TRAF3IP1: variants seen among roughly 807,000 people sequenced by gnomAD.
The protein encoded by TRAF3IP1 is TRAF3-interacting protein 1.
A neutral mutation model predicts 89.9 loss-of-function variants in TRAF3IP1; 53 were observed. That is an observed-to-expected ratio of 0.59 (90% CI 0.47 to 0.74). The LOEUF is 0.74. Ranked by LOEUF, TRAF3IP1 falls within the 30% of genes least tolerant of loss-of-function variation. TRAF3IP1 has a pLI of 0.00. For synonymous variants in TRAF3IP1, 311 were observed against 322.1 expected (o/e 0.97, Z 0.37); for missense variants, 806 against 866.1 (o/e 0.93, Z 0.87).
At chr2:238,389,967 C>T (rs541308658) in intron 15 of TRAF3IP1, among the ~76,000 whole-genome samples, 14 of 152,178 alleles carry the variant, frequency 9.2e-5, no homozygotes, top group South Asian at 6.2e-4. Context: ...AATAACTGTT[C>T]GCTTGAGAAA....
chr2:238,388,069 A>G (rs1700845477), intron 15 of TRAF3IP1, among the ~76,000 whole-genome samples: 1 of 151,634 alleles, frequency 6.6e-6, no homozygotes, highest in Non-Finnish European at 1.5e-5. Flanking sequence ...GGGTGACAGA[A>G]CAAGACTCTG....
At chr2:238,323,649 C>T (rs1042754674) in intron 1 of TRAF3IP1, among the ~76,000 whole-genome samples, 13 of 152,102 alleles carry the variant, frequency 8.5e-5, no homozygotes, top group South Asian at 2.1e-4. Context: ...CATGTCTTCC[C>T]GTAATAAATA....
intron 8 of TRAF3IP1, 26 bp downstream of exon 8, chr2:238,338,483 A>T (rs1447649395): frequency 7.8e-7 from 1 of 1,288,332 alleles, no homozygotes; most frequent in African/African-American, 1.5e-5. Context: ...TCTTTAGTTT[A>T]AATTCCTCAC....
chr2:238,344,685 C>G (rs1377030984), intron 9 of TRAF3IP1, 87 bp downstream of exon 9: 1 of 1,140,610 alleles, frequency 8.8e-7, no homozygotes, highest in East Asian at 2.4e-5. Context: ...AGCCCAGAGC[C>G]CGAGGTTTTC....
chr2:238,352,168 C>T (rs564408049), intron 12 of TRAF3IP1, among the ~76,000 whole-genome samples: 1 of 152,118 alleles, frequency 6.6e-6, no homozygotes, highest in East Asian at 1.9e-4. Context: ...TGAGAGAGCC[C>T]TTGGGTGAAG....
chr2:238,374,042 G>A (rs1281926778), intron 15 of TRAF3IP1, among the ~76,000 whole-genome samples: 3 of 152,160 alleles, frequency 2.0e-5, no homozygotes, highest in Non-Finnish European at 4.4e-5. Flanking sequence ...TGAGACAATG[G>A]GGTTTTCTAA....
intron 15 of TRAF3IP1, among the ~76,000 whole-genome samples, chr2:238,362,534 C>T (rs1370219825): frequency 6.6e-6 from 1 of 152,180 alleles, no homozygotes; most frequent in African/African-American, 2.4e-5. Context: ...GCCAGCATAG[C>T]TTCAGCTTCC....
intron 2 of TRAF3IP1, 45 bp from the exon 3 acceptor site, chr2:238,325,764 C>T: frequency 6.4e-7 from 1 of 1,570,100 alleles, no homozygotes; most frequent in Non-Finnish European, 8.7e-7. Context: ...AATGCACACT[C>T]TTCAAAGTAT....
chr2:238,396,321 T>C (rs938932433), intron 15 of TRAF3IP1, among the ~76,000 whole-genome samples: 1 of 135,308 alleles, frequency 7.4e-6, no homozygotes, highest in African/African-American at 2.8e-5. Context: ...TAGGTGGGAA[T>C]TGAACAATGA....
At chr2:238,376,115 C>T (rs771617433) in intron 15 of TRAF3IP1, among the ~76,000 whole-genome samples, 41 of 152,230 alleles carry the variant, frequency 2.7e-4, no homozygotes, top group Non-Finnish European at 4.0e-4. Flanking sequence ...CACTACTCAA[C>T]TTTGTTATTG....
intron 15 of TRAF3IP1, among the ~76,000 whole-genome samples, chr2:238,374,435 T>C (rs573972726): frequency 6.6e-6 from 1 of 152,314 alleles, no homozygotes. Context: ...CGTTTATTGA[T>C]TTGTGTGTGT....
chr2:238,384,390 A>ATATG (rs1553619403), intron 15 of TRAF3IP1, among the ~76,000 whole-genome samples: 2 of 151,544 alleles, frequency 1.3e-5, no homozygotes. Flanking sequence ...GTATATATAT[A>ATATG]TATATGGAGT....
intron 15 of TRAF3IP1, among the ~76,000 whole-genome samples, chr2:238,381,574 C>T (rs1365294312): frequency 6.6e-6 from 1 of 152,202 alleles, no homozygotes; most frequent in East Asian, 1.9e-4. Flanking sequence ...GGATGCTGGC[C>T]AGGGGCTCCT....
At chr2:238,383,356 G>A (rs1700627926) in intron 15 of TRAF3IP1, among the ~76,000 whole-genome samples, 1 of 152,240 alleles carries the variant, frequency 6.6e-6, no homozygotes, top group South Asian at 2.1e-4. Context: ...AGTAAGTGCT[G>A]TGAGTGTGTG....
rs1313627337 is a variant in TRAF3IP1 at position 238,320,637 on chromosome 2, G to T, written c.-26G>T. On this transcript the variant is annotated 5_prime_UTR_variant, in exon 1 of 17. Transcript: ENST00000373327. Reference sequence around the variant, plus strand: ...CGGCCAGGCCGGCTGAGGGGCGCGGGCGGCCAGCGGGCGGCGGACGCCGTC... The same window carrying T: ...CGGCCAGGCCGGCTGAGGGGCGCGGTCGGCCAGCGGGCGGCGGACGCCGTC... 3.1e-6 allele frequency: 4 copies of T among 1,310,830 alleles called. No individual in the cohort carries two copies. In the South Asian group the frequency reaches 7.2e-5, roughly 24 times the overall value. The allele number at this position is 1,310,830 out of a possible 1,614,324, so 81.2% of individuals were successfully genotyped here. A position where few individuals can be genotyped will look rare whatever the true frequency, so the allele number is the denominator to read the frequency against.
At chr2:238,339,821 T>A (rs1698553193) in intron 8 of TRAF3IP1, among the ~76,000 whole-genome samples, 1 of 152,270 alleles carries the variant, frequency 6.6e-6, no homozygotes, top group Non-Finnish European at 1.5e-5. Flanking sequence ...GCGCTCATCC[T>A]GAGATGGGCA....
Position 238,329,314 on chromosome 2 carries a change from A to G in TRAF3IP1, c.887A>G (p.Asn296Ser), listed in dbSNP as rs147990540. Residue 296 changes from asparagine to serine, a missense_variant, in exon 5 of 17, where the codon AAC becomes AGC. By Grantham distance (46) the Asn-to-Ser change is conservative (BLOSUM62 1). Coordinates refer to ENST00000373327, the MANE Select transcript of TRAF3IP1 (RefSeq NM_015650.4). ...EHSWDLDREK[N>S]REHDKPEKKS... ...TCCTGGGACCTGGACAGGGAGAAGA[A>G]CAGAGAGCATGACAAACCTGAGAAA... 2.8e-6 allele frequency: 4 copies of G among 1,405,996 alleles called. No homozygotes were observed. The highest frequency in any genetic ancestry group is 2.7e-5 in the Admixed American group (1 of 37,664). 87.1% of individuals were successfully genotyped at this position (1,405,996 alleles called of 1,614,324 possible). A position where few individuals can be genotyped will look rare whatever the true frequency, so the allele number is the denominator to read the frequency against.
chr2:238,335,284 T>C (rs372360556), intron 7 of TRAF3IP1, among the ~76,000 whole-genome samples: 1 of 152,278 alleles, frequency 6.6e-6, no homozygotes, highest in African/African-American at 2.4e-5. Context: ...TAATTTCTTA[T>C]GTTATCTCTT....
Position 238,329,143 on chromosome 2 carries a change from G to A in TRAF3IP1, c.716G>A (p.Arg239Gln), listed in dbSNP as rs1337517044. Reference protein sequence around the residue: ...ERQKDRGNRERDRDSERKKET... With the variant: ...ERQKDRGNREQDRDSERKKET... ...CAGAAAGACAGAGGCAACAGGGAGC[G>A]GGACAGAGACTCCGAGCGCAAGAAG... The change falls in exon 5 of 17, where the codon CGG becomes CAG. Residue 239 changes from arginine to glutamine, a missense_variant. This residue lies in a region of TRAF3IP1 where 732 missense variants were observed against 780.5 expected (regional missense o/e 0.94). Coordinates refer to ENST00000373327, the MANE Select transcript of TRAF3IP1 (RefSeq NM_015650.4). The A allele has an allele frequency of 3.2e-6, 5 of 1,551,570 alleles. No homozygotes were observed. The highest frequency in any genetic ancestry group is 2.4e-5 in the East Asian group (1 of 41,194).
Sources: allele counts gnomAD v4.1 joint callset (sites outside exome capture counted in the v4.1 genomes callset), GRCh38; gene constraint gnomAD v4.1.1; regional missense constraint gnomAD v4.1.1; transcripts MANE v1.5; gene names NCBI Gene and HGNC (gene_info 2026-07-23, HGNC 2026-07-21).